UBE2R2: variants seen among roughly 807,000 people sequenced by gnomAD.
The protein encoded by UBE2R2 is ubiquitin conjugating enzyme E2 R2.
Under a neutral mutation model 27.8 loss-of-function variants are expected in UBE2R2, and 1 was observed. The ratio of observed to expected loss-of-function variants is 0.04; its 90% CI spans 0.01 to 0.17. The LOEUF (loss-of-function observed/expected upper bound fraction) is 0.17. UBE2R2 is among the 10% of genes least tolerant of loss of function. The pLI is 1.00. For synonymous variants in UBE2R2, 106 were observed against 113.3 expected, an observed-to-expected ratio of 0.94 and a Z score of 0.41; for missense variants, 100 against 291.0, an observed-to-expected ratio of 0.34 and a Z score of 4.78.
chr9:33,869,370 A>C (rs868506682), intron 1 of UBE2R2, among the ~76,000 whole-genome samples: 1 of 152,056 alleles, frequency 6.6e-6, no homozygotes, highest in South Asian at 2.1e-4. Flanking sequence ...GGGTTACCTA[A>C]ATTTTGCTCC....
chr9:33,831,875 G>C (rs938337643), intron 1 of UBE2R2, among the ~76,000 whole-genome samples: 4 of 151,722 alleles, frequency 2.6e-5, no homozygotes, highest in African/African-American at 9.7e-5. Flanking sequence ...TGATCAGGCT[G>C]GTCTCAAACT....
intron 1 of UBE2R2, among the ~76,000 whole-genome samples, chr9:33,842,885 A>G (rs1820759273): frequency 6.6e-6 from 1 of 151,912 alleles, no homozygotes; most frequent in African/African-American, 2.4e-5. Flanking sequence ...CTCAGGAAAT[A>G]TATTCTAGCC....
At chr9:33,842,823 C>T in intron 1 of UBE2R2, among the ~76,000 whole-genome samples, 1 of 151,904 alleles carries the variant, frequency 6.6e-6, no homozygotes, top group Non-Finnish European at 1.5e-5. Context: ...TATAAATTTC[C>T]TTTTGTACTT....
chr9:33,817,284 C>G lies in UBE2R2; in HGVS notation c.-474C>G, dbSNP rs1428503494. Reference sequence around the variant, plus strand: ...GAGACCCCCGCACGCCGCTCTCCCCCCACCCTCTCCTGCCCCGCGCGCCCT... The same window carrying G: ...GAGACCCCCGCACGCCGCTCTCCCCGCACCCTCTCCTGCCCCGCGCGCCCT... On this transcript the variant is annotated 5_prime_UTR_variant, in exon 1 of 5. Transcript: ENST00000263228. 1.3e-5 allele frequency among the ~76,000 whole-genome samples: 2 copies of G among 149,964 alleles called. No individual in the cohort carries two copies. Among genetic ancestry groups the G allele is most frequent in the African/African-American group, 4.9e-5 (2 of 40,806 alleles).
chr9:33,841,592 G>C (rs1211754071), intron 1 of UBE2R2, among the ~76,000 whole-genome samples: 1 of 152,130 alleles, frequency 6.6e-6, no homozygotes, highest in Non-Finnish European at 1.5e-5. Context: ...ATGGACCTTA[G>C]AGATTATTGC....
chr9:33,878,526 G>A (rs1284546680), intron 1 of UBE2R2, among the ~76,000 whole-genome samples: 1 of 152,176 alleles, frequency 6.6e-6, no homozygotes, highest in Non-Finnish European at 1.5e-5. Context: ...ACTGAGATGG[G>A]AGGATCGCTT....
intron 1 of UBE2R2, among the ~76,000 whole-genome samples, chr9:33,855,864 G>GC (rs951301472): frequency 1.3e-5 from 2 of 152,170 alleles, no homozygotes; most frequent in Admixed American, 6.6e-5. Context: ...GATCACTTGA[G>GC]CCCAGGAGTT....
At position 33,819,662 on chromosome 9, in the gene UBE2R2, G is replaced by A. The variant is rs1040868687; in HGVS notation, c.177+1728G>A. The stretch of plus-strand genomic sequence containing the variant: ...TACCTTTCTTTTTTTTTTTTGAGAC[G>A]GAGTCTCGCTCTGTCACCCTGGCTG... On this transcript the variant is annotated intron_variant, in intron 1 of 4. Transcript: ENST00000263228. Among the ~76,000 whole-genome samples the A allele has an allele frequency of 1.8e-4, 26 of 148,508 alleles. No individual in the cohort carries two copies. The East Asian group carries it at 3.2e-3, about 18-fold the overall frequency.
chr9:33,897,672 G>A (rs1297221322), intron 2 of UBE2R2, among the ~76,000 whole-genome samples: 1 of 151,924 alleles, frequency 6.6e-6, no homozygotes, highest in Non-Finnish European at 1.5e-5. Flanking sequence ...ATTATTAAAG[G>A]AAAGCTCATC....
At chr9:33,856,370 T>C (rs1279245124) in intron 1 of UBE2R2, among the ~76,000 whole-genome samples, 1 of 152,210 alleles carries the variant, frequency 6.6e-6, no homozygotes, top group Admixed American at 6.6e-5. Flanking sequence ...TTGCTTTACC[T>C]ATTCCCTCCC....
intron 1 of UBE2R2, among the ~76,000 whole-genome samples, chr9:33,852,365 A>G (rs189816438): frequency 3.0e-4 from 45 of 152,312 alleles, no homozygotes; most frequent in Non-Finnish European, 3.7e-4. Flanking sequence ...AGTTACAGGA[A>G]TCCAGCTGCA....
intron 1 of UBE2R2, among the ~76,000 whole-genome samples, chr9:33,823,526 C>T (rs1033724524): frequency 5.3e-5 from 8 of 152,262 alleles, no homozygotes; most frequent in Admixed American, 2.6e-4. Context: ...CAGGTGCGTG[C>T]CAGCACGCCC....
intron 4 of UBE2R2, among the ~76,000 whole-genome samples, chr9:33,915,797 G>GA (rs1483240646): frequency 6.6e-6 from 1 of 152,092 alleles, no homozygotes; most frequent in Non-Finnish European, 1.5e-5. Flanking sequence ...AAAAATACTA[G>GA]ATAGTGCTAA....
chr9:33,817,017 A>T (rs962734958), upstream of UBE2R2, among the ~76,000 whole-genome samples: 1 of 63,892 alleles, frequency 1.6e-5, no homozygotes, highest in Non-Finnish European at 3.0e-5. Context: ...GAGGAGGAGG[A>T]GGTGGTAGTG....
intron 1 of UBE2R2, among the ~76,000 whole-genome samples, chr9:33,848,267 C>T (rs915590465): frequency 2.0e-5 from 3 of 152,108 alleles, no homozygotes; most frequent in Admixed American, 6.5e-5. Context: ...TTAAAGTCCA[C>T]GTTTGCCAGC....
intron 1 of UBE2R2, among the ~76,000 whole-genome samples, chr9:33,830,377 G>C (rs977050581): frequency 1.4e-5 from 2 of 148,128 alleles, no homozygotes; most frequent in Admixed American, 1.3e-4. Flanking sequence ...GGCTGGTCTC[G>C]AACTCCTGAC....
chr9:33,819,813 A>T (rs1458804544), intron 1 of UBE2R2, among the ~76,000 whole-genome samples: 1 of 151,978 alleles, frequency 6.6e-6, no homozygotes, highest in East Asian at 1.9e-4. Context: ...TAATTTTTGT[A>T]TTTTTAGTAG....
At chr9:33,862,813 A>G (rs924190098) in intron 1 of UBE2R2, among the ~76,000 whole-genome samples, 3 of 152,150 alleles carry the variant, frequency 2.0e-5, no homozygotes, top group Non-Finnish European at 2.9e-5. Flanking sequence ...TTTAACATAT[A>G]AACAGTATGT....
At chr9:33,833,075 T>C (rs547357354) in intron 1 of UBE2R2, among the ~76,000 whole-genome samples, 1 of 152,340 alleles carries the variant, frequency 6.6e-6, no homozygotes, top group African/African-American at 2.4e-5. Context: ...ATGAGGTTTT[T>C]CTTTTTTGAG....
Sources: allele counts gnomAD v4.1 joint callset (sites outside exome capture counted in the v4.1 genomes callset), GRCh38; gene constraint gnomAD v4.1.1; transcripts MANE v1.5; gene names NCBI Gene and HGNC (gene_info 2026-07-23, HGNC 2026-07-21).